Variants in FAM13A observed in about 807,000 individuals in gnomAD.
FAM13A encodes the protein protein FAM13A.
FAM13A carries 76 observed loss-of-function variants against 129.6 expected under a neutral mutation model. That is an observed-to-expected ratio of 0.59 (90% CI 0.49 to 0.71). The LOEUF (loss-of-function observed/expected upper bound fraction) is 0.71, where lower values mean the gene tolerates loss of function less well. Ranked by LOEUF, FAM13A falls within the 30% of genes least tolerant of loss-of-function variation. The pLI is 0.00. For missense variants in FAM13A, 1,108 were observed against 1,249.3 expected, an observed-to-expected ratio of 0.89 and a Z score of 1.70; for synonymous variants, 443 against 449.9, an observed-to-expected ratio of 0.98 and a Z score of 0.20.
chr4:88,962,608 G>A (rs576941890), intron 4 of FAM13A, among the ~76,000 whole-genome samples: 16 of 152,238 alleles, frequency 1.1e-4, no homozygotes, highest in African/African-American at 3.6e-4. Context: ...TTTGGTGGGC[G>A]GGGAGAGCGA....
chr4:88,804,931 T>C, intron 8 of FAM13A, 80 bp downstream of exon 8: 1 of 784,502 alleles, frequency 1.3e-6, no homozygotes, highest in Non-Finnish European at 2.2e-6. Context: ...TTGAAAGAGA[T>C]TAAAATGAGC....
chr4:88,784,182 G>A (rs760041359), intron 10 of FAM13A, among the ~76,000 whole-genome samples: 5 of 152,060 alleles, frequency 3.3e-5, no homozygotes, highest in African/African-American at 4.8e-5. Context: ...TTGCTTTTAC[G>A]TGCATCCACG....
At chr4:88,802,988 G>A (rs1245842354) in intron 8 of FAM13A, among the ~76,000 whole-genome samples, 2 of 152,146 alleles carry the variant, frequency 1.3e-5, no homozygotes, top group African/African-American at 2.4e-5. Context: ...TAGCCACTGA[G>A]TTTTGCTGTT....
intron 11 of FAM13A, among the ~76,000 whole-genome samples, chr4:88,775,185 A>C (rs1011839409): frequency 3.3e-5 from 5 of 152,170 alleles, no homozygotes; most frequent in African/African-American, 1.2e-4. Context: ...AGAGGTCAAC[A>C]TCATTCAGAC....
At chr4:88,862,935 CTA>C (rs1274197225) in intron 6 of FAM13A, among the ~76,000 whole-genome samples, 2 of 150,348 alleles carry the variant, frequency 1.3e-5, no homozygotes, top group Non-Finnish European at 3.0e-5. Flanking sequence ...AAAAAAAAAA[CTA>C]TGTTTTTCTT....
chr4:88,863,395 T>A, intron 6 of FAM13A, among the ~76,000 whole-genome samples: 1 of 152,130 alleles, frequency 6.6e-6, no homozygotes, highest in Non-Finnish European at 1.5e-5. Flanking sequence ...CCCTCCCCCA[T>A]ACTGTGTCCT....
intron 1 of FAM13A, among the ~76,000 whole-genome samples, chr4:89,034,741 G>A (rs917612667): frequency 2.0e-5 from 3 of 152,168 alleles, no homozygotes; most frequent in Non-Finnish European, 2.9e-5. Flanking sequence ...AATTAGCCAG[G>A]TGTGGTGGTG....
intron 7 of FAM13A, among the ~76,000 whole-genome samples, chr4:88,827,625 A>C (rs1312314651): frequency 1.3e-5 from 2 of 152,114 alleles, no homozygotes; most frequent in Non-Finnish European, 2.9e-5. Context: ...CCCTTTGTGA[A>C]TCAGATTTAA....
intron 4 of FAM13A, among the ~76,000 whole-genome samples, chr4:88,964,365 T>G (rs183387660): frequency 1.4e-4 from 21 of 152,264 alleles, no homozygotes; most frequent in Non-Finnish European, 3.1e-4. Context: ...ATAAGAAAGA[T>G]ACAAACTAAT....
intron 6 of FAM13A, among the ~76,000 whole-genome samples, chr4:88,897,120 G>A (rs1178637229): frequency 6.6e-6 from 1 of 152,136 alleles, no homozygotes; most frequent in Admixed American, 6.6e-5. Context: ...ACCTGTGTCT[G>A]GTAGAAGAAA....
chr4:88,881,291 C>T (rs1265075091), intron 6 of FAM13A, among the ~76,000 whole-genome samples: 2 of 152,200 alleles, frequency 1.3e-5, no homozygotes, highest in Non-Finnish European at 2.9e-5. Flanking sequence ...AAAAACAGTT[C>T]ACATCACAGG....
intron 4 of FAM13A, among the ~76,000 whole-genome samples, chr4:88,980,110 C>A (rs1761463026): frequency 6.6e-6 from 1 of 152,142 alleles, no homozygotes. Flanking sequence ...ATGAGACATG[C>A]CATGATAAAC....
At chr4:88,923,589 C>G (rs932288263) in intron 5 of FAM13A, among the ~76,000 whole-genome samples, 2 of 152,132 alleles carry the variant, frequency 1.3e-5, no homozygotes, top group African/African-American at 4.8e-5. Context: ...AACCCACAGC[C>G]AATATCATAC....
chr4:88,876,227 A>C (rs190742188), intron 6 of FAM13A, among the ~76,000 whole-genome samples: 10 of 152,290 alleles, frequency 6.6e-5, no homozygotes, highest in African/African-American at 2.4e-4. Flanking sequence ...CAAACATGGC[A>C]CATGTATACA....
chr4:89,038,413 T>G (rs750569975), intron 1 of FAM13A, among the ~76,000 whole-genome samples: 27 of 151,858 alleles, frequency 1.8e-4, no homozygotes, highest in Non-Finnish European at 3.5e-4. Flanking sequence ...ATAAAAGTAG[T>G]GCAAGGAAAG....
chr4:88,965,146 C>T lies in FAM13A; in HGVS notation c.605+25827G>A, dbSNP rs1903003. Among the ~76,000 whole-genome samples, 87,300 of 151,982 alleles carry T rather than the reference C, an allele frequency of 0.57. 25,243 individuals are homozygous for T. The highest frequency in any genetic ancestry group is 0.68 in the South Asian group (3,269 of 4,810). ...ATGATAAATGGTACAATTTGAGCAGCTGTAGCATTCCTGTTACAGACAATG... is the reference window on the plus strand; with the variant it reads ...ATGATAAATGGTACAATTTGAGCAGTTGTAGCATTCCTGTTACAGACAATG... On this transcript the variant is annotated intron_variant, in intron 4 of 23. Coordinates refer to ENST00000264344, the MANE Select transcript of FAM13A (RefSeq NM_014883.4).
chr4:89,012,000 A>T (rs1009102858), intron 3 of FAM13A, among the ~76,000 whole-genome samples: 2 of 152,214 alleles, frequency 1.3e-5, no homozygotes, highest in African/African-American at 4.8e-5. Context: ...TTACTAAAAA[A>T]AATACTGATG....
chr4:88,959,080 T>C (rs577606516), intron 4 of FAM13A, among the ~76,000 whole-genome samples: 1 of 152,370 alleles, frequency 6.6e-6, no homozygotes, highest in East Asian at 1.9e-4. Context: ...CCATTGTATC[T>C]TGAAATTAAA....
At chr4:89,055,760 T>A (rs1403335779) in intron 1 of FAM13A, among the ~76,000 whole-genome samples, 1 of 152,166 alleles carries the variant, frequency 6.6e-6, no homozygotes, top group Non-Finnish European at 1.5e-5. Flanking sequence ...AATAACCACA[T>A]GGATACCTGG....
Sources: allele counts gnomAD v4.1 joint callset (sites outside exome capture counted in the v4.1 genomes callset), GRCh38; gene constraint gnomAD v4.1.1; transcripts MANE v1.5; gene names NCBI Gene and HGNC (gene_info 2026-07-23, HGNC 2026-07-21).